The following PTPRR variants were observed in gnomAD, a reference collection of about 807,000 sequenced individuals.
PTPRR encodes receptor-type tyrosine-protein phosphatase R.
Under a neutral mutation model 77.2 loss-of-function variants are expected in PTPRR, and 38 were observed. That is an observed-to-expected ratio of 0.49 (90% CI 0.38 to 0.65). The LOEUF (loss-of-function observed/expected upper bound fraction) is 0.65, where lower values mean the gene tolerates loss of function less well. PTPRR is among the 30% of genes least tolerant of loss of function. The pLI is 0.00. For missense variants in PTPRR, 744 were observed against 799.2 expected (o/e 0.93, Z 0.83); for synonymous variants, 299 against 283.1 (o/e 1.06, Z -0.57).
chr12:70,827,275 G>A (rs1199362698), intron 2 of PTPRR, among the ~76,000 whole-genome samples: 4 of 152,172 alleles, frequency 2.6e-5, no homozygotes, highest in Non-Finnish European at 5.9e-5. Context: ...GCACATAGCA[G>A]GTACTTAATA....
intron 6 of PTPRR, among the ~76,000 whole-genome samples, chr12:70,722,999 T>A (rs956415578): frequency 6.6e-6 from 1 of 152,226 alleles, no homozygotes; most frequent in African/African-American, 2.4e-5. Flanking sequence ...TTTTTACTGT[T>A]TAGATGTGCG....
intron 2 of PTPRR, among the ~76,000 whole-genome samples, chr12:70,790,773 C>T (rs150369675): frequency 2.0e-5 from 3 of 152,178 alleles, no homozygotes; most frequent in African/African-American, 7.2e-5. Context: ...TCCCAGGAAG[C>T]GGAGGTTGCA....
intron 2 of PTPRR, among the ~76,000 whole-genome samples, chr12:70,867,087 T>A (rs1592802517): frequency 1.3e-5 from 2 of 149,858 alleles, no homozygotes; most frequent in Admixed American, 6.7e-5. Flanking sequence ...AATATCATAC[T>A]GAATGGGCAA....
At chr12:70,762,294 T>TACACAC (rs147039273) in intron 3 of PTPRR, among the ~76,000 whole-genome samples, 2 of 149,360 alleles carry the variant, frequency 1.3e-5, no homozygotes, top group African/African-American at 4.9e-5. Context: ...TACACACACA[T>TACACAC]ACACACACAC....
At chr12:70,900,844 AATGGGTTT>A (rs1176800638) in intron 1 of PTPRR, among the ~76,000 whole-genome samples, 2 of 151,604 alleles carry the variant, frequency 1.3e-5, no homozygotes, top group African/African-American at 4.8e-5. Context: ...TACCTGTTAG[AATGGGTTT>A]ATCAAAAAAG....
chr12:70,725,510 T>C (rs1403305819), intron 6 of PTPRR, among the ~76,000 whole-genome samples: 1 of 152,116 alleles, frequency 6.6e-6, no homozygotes, highest in East Asian at 1.9e-4. Context: ...CTCCCCAATG[T>C]ATTAAGTTCT....
intron 2 of PTPRR, among the ~76,000 whole-genome samples, chr12:70,807,874 C>T (rs7315023): frequency 0.015 from 2,228 of 152,180 alleles, 60 homozygotes; most frequent in African/African-American, 0.051. Flanking sequence ...ATTGTTTAAA[C>T]AATATCAAAT....
At chr12:70,915,980 A>G (rs1221929495) in intron 1 of PTPRR, among the ~76,000 whole-genome samples, 1 of 152,228 alleles carries the variant, frequency 6.6e-6, no homozygotes, top group African/African-American at 2.4e-5. Flanking sequence ...TACATGCAAT[A>G]ATAAACAAAA....
chr12:70,869,196 TA>T (rs952791142), intron 2 of PTPRR, among the ~76,000 whole-genome samples: 12 of 151,486 alleles, frequency 7.9e-5, no homozygotes, highest in South Asian at 2.1e-4. Context: ...ATAATAAAAT[TA>T]AAAAAAATAC....
intron 13 of PTPRR, among the ~76,000 whole-genome samples, chr12:70,647,693 G>T (rs957970088): frequency 6.6e-6 from 1 of 152,152 alleles, no homozygotes; most frequent in African/African-American, 2.4e-5. Flanking sequence ...ATATGGAAGG[G>T]CTTTCTAAGT....
intron 2 of PTPRR, among the ~76,000 whole-genome samples, chr12:70,860,632 G>A (rs1271181738): frequency 6.6e-6 from 1 of 152,122 alleles, no homozygotes; most frequent in African/African-American, 2.4e-5. Flanking sequence ...TTATCAACCA[G>A]CAACATTCTG....
chr12:70,832,568 G>A (rs1398570085), intron 2 of PTPRR, among the ~76,000 whole-genome samples: 2 of 152,074 alleles, frequency 1.3e-5, no homozygotes, highest in Non-Finnish European at 2.9e-5. Flanking sequence ...TTACTTGCAG[G>A]TGACATGGTT....
intron 1 of PTPRR, among the ~76,000 whole-genome samples, chr12:70,902,907 G>A (rs1400387236): frequency 6.6e-6 from 1 of 151,656 alleles, no homozygotes; most frequent in Non-Finnish European, 1.5e-5. Context: ...AAGGTAGCAT[G>A]TACATATAAT....
intron 2 of PTPRR, among the ~76,000 whole-genome samples, chr12:70,861,898 T>C (rs7297374): frequency 0.3 from 46,095 of 152,022 alleles, 7,824 homozygotes; most frequent in African/African-American, 0.44. Context: ...AAAACCAGAC[T>C]GTAAACTTGA....
At chr12:70,656,618 T>G (rs1886590713) in intron 13 of PTPRR, 86 bp downstream of exon 13, 5 of 918,268 alleles carry the variant, frequency 5.4e-6, no homozygotes, top group Non-Finnish European at 5.3e-6. Context: ...CCTTGGAGCC[T>G]GAGATGTTTA....
chr12:70,829,309 G>T (rs1284925099), intron 2 of PTPRR, among the ~76,000 whole-genome samples: 3 of 152,072 alleles, frequency 2.0e-5, no homozygotes, highest in Non-Finnish European at 4.4e-5. Context: ...TTTCCTGGAA[G>T]GAAGATTGAA....
intron 5 of PTPRR, among the ~76,000 whole-genome samples, chr12:70,753,826 G>T (rs1186819205): frequency 6.6e-6 from 1 of 152,002 alleles, no homozygotes; most frequent in African/African-American, 2.4e-5. Context: ...TTTTTCCTGA[G>T]TTCCATAAAG....
chr12:70,687,397 G>C (rs12582198), intron 8 of PTPRR, among the ~76,000 whole-genome samples: 9,176 of 151,382 alleles, frequency 0.061, 454 homozygotes, highest in East Asian at 0.15. Flanking sequence ...TGAGCTATAA[G>C]GGATCTGGCT....
Position 70,698,477 on chromosome 12 carries a change from C to T in PTPRR, c.1195-128G>A, listed in dbSNP as rs1273409317. ...CTTAAAAACAACAGATCTAGCACCT[C>T]TGGTGGACCAACACCCTTCCTTTCC... is the stretch of plus-strand genomic sequence containing the variant. On this transcript the variant is annotated intron_variant, in intron 7 of 13. Coordinates refer to ENST00000283228, the MANE Select transcript of PTPRR (RefSeq NM_002849.4). The T allele has an allele frequency of 8.9e-6, 6 of 673,266 alleles. No homozygotes were observed. The East Asian group carries it at 1.4e-4, about 15-fold the overall frequency. 41.7% of individuals were successfully genotyped at this position (673,266 alleles called of 1,614,324 possible). A position where few individuals can be genotyped will look rare whatever the true frequency, so the allele number is the denominator to read the frequency against.
Sources: gnomAD v4.1 joint callset for allele counts (sites outside exome capture counted in the v4.1 genomes callset) on GRCh38, gnomAD v4.1.1 for gene constraint, MANE v1.5 for transcripts, NCBI Gene and HGNC (gene_info 2026-07-23, HGNC 2026-07-21) for gene names.